FGFR1: variants seen among roughly 807,000 people sequenced by gnomAD.
FGFR1 encodes the protein fibroblast growth factor receptor 1.
In FGFR1, 18 loss-of-function variants were observed where a neutral mutation model predicts 93.7. That is an observed-to-expected ratio of 0.19 (90% CI 0.13 to 0.28). The LOEUF (loss-of-function observed/expected upper bound fraction) is 0.28. FGFR1 is among the 10% of genes least tolerant of loss of function. The pLI, the probability that FGFR1 is intolerant of heterozygous loss-of-function variation, is 1.00. For synonymous variants in FGFR1, 448 were observed against 429.3 expected, an observed-to-expected ratio of 1.04 and a Z score of -0.54; for missense variants, 731 against 1,080.4, an observed-to-expected ratio of 0.68 and a Z score of 4.53.
chr8:38,442,099 G>A (rs1270398328), intron 2 of FGFR1, among the ~76,000 whole-genome samples: 1 of 152,172 alleles, frequency 6.6e-6, no homozygotes, highest in African/African-American at 2.4e-5. Context: ...AAGCTTCTAA[G>A]GCCATATTGG....
At chr8:38,423,730 C>T (rs1819677136) in intron 7 of FGFR1, 1 of 157,512 alleles carries the variant, frequency 6.3e-6, no homozygotes, top group Admixed American at 6.4e-5. Context: ...TAACCCACTC[C>T]CTCCAGGACT....
intron 2 of FGFR1, among the ~76,000 whole-genome samples, chr8:38,447,007 C>A (rs1230733240): frequency 6.6e-6 from 1 of 151,846 alleles, no homozygotes; most frequent in Non-Finnish European, 1.5e-5. Context: ...TTATTCTAGG[C>A]TAGGGAACCT....
Position 38,418,317 on chromosome 8 carries a change from T to C in FGFR1, c.1341A>G (p.Ser447=). The C allele has an allele frequency of 6.2e-7, 1 of 1,614,150 alleles. No homozygotes were observed. The highest frequency in any genetic ancestry group is 8.5e-7 in the Non-Finnish European group (1 of 1,180,036). Residue 447 remains serine (S), a synonymous_variant, in exon 10 of 18, where the codon TCA becomes TCG. Coordinates refer to ENST00000447712, the MANE Select transcript of FGFR1 (RefSeq NM_023110.3). ...MNSGVLLVRP[S]RLSSSGTPML... is the part of the protein sequence containing the mutation. Reference sequence around the variant, plus strand: ...TGGGAGTCCCACTGGAGGAGAGCCGTGATGGCCGAACCAGAAGAACCCCAG... The same window carrying C: ...TGGGAGTCCCACTGGAGGAGAGCCGCGATGGCCGAACCAGAAGAACCCCAG...
Position 38,424,401 on chromosome 8 carries a change from G to T in FGFR1, c.936+108C>A, listed in dbSNP as rs1432089553. ...GGAGTGTGTGTGCCTGAAGCGTGAG[G>T]AATGATCCCATTCGGGGGCAACTGA... On this transcript the variant is annotated intron_variant, in intron 7 of 17. Transcript: ENST00000447712. The surrounding 1 kb of genome is among the most constrained non-coding windows in gnomAD (Gnocchi z 4.3). The T allele has an allele frequency of 8.5e-7, 1 of 1,182,556 alleles. No homozygotes were observed. The highest frequency in any genetic ancestry group is 1.3e-6 in the Non-Finnish European group (1 of 793,386). The allele number at this position is 1,182,556 out of a possible 1,614,324, so 73.3% of individuals were successfully genotyped here.
chr8:38,417,536 A>C (rs1248302831), intron 11 of FGFR1, 120 bp from the exon 12 acceptor site: 1 of 878,120 alleles, frequency 1.1e-6, no homozygotes, highest in African/African-American at 1.7e-5. Flanking sequence ...TCTCCTCCCC[A>C]CTTCATCCAA....
chr8:38,441,011 C>A (rs866006475), intron 2 of FGFR1, among the ~76,000 whole-genome samples: 1 of 152,100 alleles, frequency 6.6e-6, no homozygotes, highest in Non-Finnish European at 1.5e-5. Context: ...TAATTTAGTG[C>A]CGAGCCGCCT....
At position 38,412,660 on chromosome 8, in the gene FGFR1, C is replaced by A. The variant is rs1177222222; in HGVS notation, c.*968G>T. On this transcript the variant is annotated 3_prime_UTR_variant, in exon 18 of 18. Transcript: ENST00000447712. ...TGCGGTGCCCTCGGGACAGACCTAG[C>A]CCCAGGGCCCGTGGGTGTCCCTTCT... The A allele has an allele frequency of 7.7e-5, 18 of 233,624 alleles. No homozygotes were observed. The highest frequency in any genetic ancestry group is 1.5e-4 in the Non-Finnish European group (18 of 118,078). 14.5% of individuals were successfully genotyped at this position (233,624 alleles called of 1,614,324 possible).
At chr8:38,459,515 AAAATG>A (rs1363812157) in intron 1 of FGFR1, among the ~76,000 whole-genome samples, 1 of 152,194 alleles carries the variant, frequency 6.6e-6, no homozygotes, top group East Asian at 1.9e-4. Flanking sequence ...CAGAAAAGAG[AAAATG>A]AAATGAATAC....
In FGFR1 at chr8:38,429,729, C is replaced by T. The variant is rs752855457; in HGVS notation, c.311G>A (p.Ser104Asn). 1.1e-5 allele frequency: 17 copies of T among 1,582,040 alleles called. No individual in the cohort carries two copies. In the South Asian group the frequency reaches 1.8e-4, roughly 17 times the overall value. The change falls in exon 3 of 18, where the codon AGC (serine) becomes AAC (asparagine). Residue 104 changes from serine (S) to asparagine (N), a missense_variant. Coordinates refer to ENST00000447712, the MANE Select transcript of FGFR1 (RefSeq NM_023110.3). This position sits in a 1 kb window ranked among gnomAD's most constrained non-coding sequence, Gnocchi z 4.4. ...ADSGLYACVT[S>N]SPSGSDTTYF... ...GGTGGTGTCACTGCCCGAGGGGCTGCTGGTTACGCAAGCATAGAGGCCGGA... is the reference window on the plus strand; with the variant it reads ...GGTGGTGTCACTGCCCGAGGGGCTGTTGGTTACGCAAGCATAGAGGCCGGA...
chr8:38,414,886 G>A lies in FGFR1; in HGVS notation c.1870C>T (p.Leu624=). 6 of 1,613,640 alleles carry A rather than the reference G, an allele frequency of 3.7e-6. No individual in the cohort carries two copies. Among genetic ancestry groups the A allele is most frequent in the Non-Finnish European group, 5.1e-6 (6 of 1,180,026 alleles). Residue 624 remains leucine, a synonymous_variant, in exon 14 of 18, where the codon CTG becomes TTG. Transcript: ENST00000447712. ...GTCACCAGGACATTCCTGGCTGCCA[G>A]GTCTCGGTGTATGCACTGAGGAAGG... ...LASKKCIHRD[L]AARNVLVTED...
chr8:38,417,799 C>A (rs1817240778), intron 11 of FGFR1, 71 bp downstream of exon 11: 1 of 1,612,134 alleles, frequency 6.2e-7, no homozygotes, highest in Non-Finnish European at 8.5e-7. Context: ...AGCTGTTCTG[C>A]TGGGCCCGAG....
rs1814601756 is a variant in FGFR1, at chr8:38,412,199, G to A, written c.*1429C>T. 2 of 209,570 alleles carry A rather than the reference G, an allele frequency of 9.5e-6. No individual in the cohort carries two copies. The highest frequency in any genetic ancestry group is 4.5e-5 in the African/African-American group (2 of 44,066). The allele number at this position is 209,570 out of a possible 1,614,324, so 13.0% of individuals were successfully genotyped here. On this transcript the variant is annotated 3_prime_UTR_variant, in exon 18 of 18. Transcript: ENST00000447712. ...TGTGGAGCTGGGATTACAGGCGTGTGCCACCATGCCTGGATAATTTTTGCA... is the reference window on the plus strand; with the variant it reads ...TGTGGAGCTGGGATTACAGGCGTGTACCACCATGCCTGGATAATTTTTGCA...
intron 9 of FGFR1, 128 bp from the exon 10 acceptor site, chr8:38,418,501 A>C: frequency 8.4e-7 from 1 of 1,184,938 alleles, no homozygotes; most frequent in Non-Finnish European, 1.2e-6. Context: ...TTTCCTCAAC[A>C]CAGAGTGGTC....
intron 2 of FGFR1, among the ~76,000 whole-genome samples, chr8:38,442,999 GA>G (rs1828030038): frequency 6.6e-6 from 1 of 152,170 alleles, no homozygotes; most frequent in Non-Finnish European, 1.5e-5. Flanking sequence ...CCACCGTAAA[GA>G]AATTCTCTTA....
chr8:38,450,031 G>A (rs546997684), intron 2 of FGFR1, among the ~76,000 whole-genome samples: 133 of 152,374 alleles, frequency 8.7e-4, no homozygotes, highest in Non-Finnish European at 1.8e-3. Flanking sequence ...GCCACCAGCT[G>A]TAAGTCAGAG....
Position 38,429,700 on chromosome 8 carries a change from A to T in FGFR1, c.340T>A (p.Phe114Ile), listed in dbSNP as rs1227903216. The change falls in exon 3 of 18, where the codon TTC (phenylalanine) becomes ATC (isoleucine). Residue 114 changes from phenylalanine (F) to isoleucine (I), a missense_variant. Physicochemically the swap from Phe to Ile is conservative, Grantham distance 21. This residue lies in a region of FGFR1 where 212 missense variants were observed against 205.8 expected (regional missense o/e 1.03). Transcript: ENST00000447712. The surrounding 1 kb of genome is among the most constrained non-coding windows in gnomAD (Gnocchi z 4.4). ...TACCAACCTGAAACATTGACGGAGA[A>T]GTAGGTGGTGTCACTGCCCGAGGGG... ...SSPSGSDTTYFSVNVSDALPS... is the reference protein window; with the variant it reads ...SSPSGSDTTYISVNVSDALPS... 1 of 1,570,426 alleles carries T rather than the reference A, an allele frequency of 6.4e-7. No homozygotes were observed. The highest frequency in any genetic ancestry group is 8.6e-7 in the Non-Finnish European group (1 of 1,157,494).
intron 2 of FGFR1, among the ~76,000 whole-genome samples, chr8:38,437,061 G>C (rs1209928941): frequency 1.3e-5 from 2 of 152,144 alleles, no homozygotes; most frequent in African/African-American, 4.8e-5. Flanking sequence ...TGTATTTTTA[G>C]TAGAGATGGA....
In FGFR1 at chr8:38,417,851, G is replaced by A. The variant is rs557460259; in HGVS notation, c.1552+19C>T. On this transcript the variant is annotated intron_variant, in intron 11 of 17. Transcript: ENST00000447712. ...GAATGGGACAAGATTTTCTTTGCAA[G>A]GACAGAAGCATCACTTACACTTCAA... 30 of 1,614,210 alleles carry A rather than the reference G, an allele frequency of 1.9e-5. No individual in the cohort carries two copies. In the South Asian group the frequency reaches 2.7e-4, roughly 15 times the overall value.
intron 9 of FGFR1, among the ~76,000 whole-genome samples, chr8:38,418,889 A>G (rs868783982): frequency 2.6e-5 from 4 of 152,178 alleles, no homozygotes; most frequent in Admixed American, 1.3e-4. Context: ...CTCATCTTGA[A>G]TTCCCACGTG....
Sources: gnomAD v4.1 joint callset for allele counts (sites outside exome capture counted in the v4.1 genomes callset) on GRCh38, gnomAD v4.1.1 for gene constraint, gnomAD v4.1.1 regional missense constraint, Gnocchi (gnomAD v3.1) non-coding constraint, MANE v1.5 for transcripts, NCBI Gene and HGNC (gene_info 2026-07-23, HGNC 2026-07-21) for gene names.